Variants in MAST4 observed in about 807,000 individuals in gnomAD.
The protein encoded by MAST4 is microtubule-associated serine/threonine-protein kinase 4.
Under a neutral mutation model 162.7 loss-of-function variants are expected in MAST4, and 89 were observed. The ratio of observed to expected loss-of-function variants is 0.55; its 90% CI spans 0.46 to 0.65. The LOEUF is 0.65. Ranked by LOEUF, MAST4 falls within the 30% of genes least tolerant of loss-of-function variation. The pLI is 0.00. For synonymous variants in MAST4, 1,479 were observed against 1,361.1 expected, an observed-to-expected ratio of 1.09 and a Z score of -1.91; for missense variants, 3,153 against 3,374.0, an observed-to-expected ratio of 0.93 and a Z score of 1.62.
At chr5:66,858,482 A>G (rs1379267685) in intron 3 of MAST4, among the ~76,000 whole-genome samples, 1 of 152,142 alleles carries the variant, frequency 6.6e-6, no homozygotes, top group Non-Finnish European at 1.5e-5. Context: ...AGTTTATACT[A>G]CATTCACATT....
intron 1 of MAST4, among the ~76,000 whole-genome samples, chr5:66,638,244 G>A (rs1486554898): frequency 1.3e-5 from 2 of 152,154 alleles, no homozygotes; most frequent in African/African-American, 4.8e-5. Flanking sequence ...TCCCAGCCAG[G>A]AATGGTGGGA....
intron 1 of MAST4, among the ~76,000 whole-genome samples, chr5:66,723,955 C>A (rs1259906960): frequency 2.0e-5 from 3 of 152,082 alleles, no homozygotes; most frequent in African/African-American, 7.2e-5. Flanking sequence ...CCTCACTATA[C>A]CCCCACCCCT....
chr5:66,722,339 G>A (rs1440596977), intron 1 of MAST4, among the ~76,000 whole-genome samples: 1 of 151,964 alleles, frequency 6.6e-6, no homozygotes, highest in Non-Finnish European at 1.5e-5. Context: ...CTATGTAGGG[G>A]CTAATTCCCT....
At chr5:67,116,132 A>C (rs977410017) in intron 12 of MAST4, among the ~76,000 whole-genome samples, 2 of 152,158 alleles carry the variant, frequency 1.3e-5, no homozygotes, top group African/African-American at 4.8e-5. Context: ...GAGTTTAATC[A>C]CTGGGAGTTG....
At chr5:66,700,340 CTT>C (rs915724208) in intron 1 of MAST4, among the ~76,000 whole-genome samples, 1 of 151,546 alleles carries the variant, frequency 6.6e-6, no homozygotes, top group African/African-American at 2.4e-5. Context: ...TGTTCTCGCT[CTT>C]TTTTTTTGTA....
chr5:67,150,955 C>A (rs1771724858), intron 24 of MAST4, among the ~76,000 whole-genome samples: 1 of 152,172 alleles, frequency 6.6e-6, no homozygotes, highest in Non-Finnish European at 1.5e-5. Flanking sequence ...AGTATGGATA[C>A]TTTCAGCTTA....
At chr5:66,644,643 C>T (rs1266414254) in intron 1 of MAST4, among the ~76,000 whole-genome samples, 3 of 152,162 alleles carry the variant, frequency 2.0e-5, no homozygotes, top group Non-Finnish European at 4.4e-5. Flanking sequence ...GGAATCCAAA[C>T]TGACACTATA....
At chr5:66,620,393 A>G (rs1194696773) in intron 1 of MAST4, among the ~76,000 whole-genome samples, 2 of 152,204 alleles carry the variant, frequency 1.3e-5, no homozygotes, top group Non-Finnish European at 2.9e-5. Flanking sequence ...CAACAAAGTT[A>G]TGTAGTACTT....
intron 3 of MAST4, among the ~76,000 whole-genome samples, chr5:66,848,275 T>C (rs1479620753): frequency 6.6e-6 from 1 of 152,154 alleles, no homozygotes; most frequent in East Asian, 1.9e-4. Context: ...AATTAAAACA[T>C]GCTTTATATG....
chr5:66,608,148 C>T (rs1743020948), intron 1 of MAST4, among the ~76,000 whole-genome samples: 2 of 150,544 alleles, frequency 1.3e-5, no homozygotes, highest in Admixed American at 1.3e-4. Context: ...ACCTCTGCCT[C>T]CCTGGTTCAA....
chr5:66,708,939 A>G (rs762398691), intron 1 of MAST4, among the ~76,000 whole-genome samples: 11 of 152,224 alleles, frequency 7.2e-5, no homozygotes, highest in Admixed American at 2.0e-4. Context: ...TAAGAATTTT[A>G]TATTGAGAGA....
chr5:66,828,731 A>G lies in MAST4; in HGVS notation c.642+39937A>G, dbSNP rs531689553. ...AGCTGACTCCGGGCTCCAATCAGCT[A>G]GAGCGTGATGTAAGTGTTTAGCAGC... On this transcript the variant is annotated intron_variant, in intron 3 of 28. Transcript: ENST00000403625. The G allele has an allele frequency of 2.7e-6, 4 of 1,485,790 alleles. No individual in the cohort carries two copies. In the African/African-American group the frequency reaches 4.2e-5, roughly 16 times the overall value. The allele number at this position is 1,485,790 out of a possible 1,614,324, so 92.0% of individuals were successfully genotyped here.
intron 14 of MAST4, among the ~76,000 whole-genome samples, chr5:67,128,379 C>T (rs1312876157): frequency 6.6e-6 from 1 of 152,096 alleles, no homozygotes; most frequent in Admixed American, 6.6e-5. Flanking sequence ...AGCACTAGAT[C>T]ATTCGGTGCA....
intron 1 of MAST4, among the ~76,000 whole-genome samples, chr5:66,706,332 CA>C (rs1750123948): frequency 6.6e-6 from 1 of 152,038 alleles, no homozygotes; most frequent in South Asian, 2.1e-4. Context: ...GTAAGTGTCA[CA>C]AAATGAGTTG....
chr5:67,040,193 A>G (rs1354175806), intron 4 of MAST4, among the ~76,000 whole-genome samples: 1 of 152,154 alleles, frequency 6.6e-6, no homozygotes, highest in Non-Finnish European at 1.5e-5. Context: ...TCTAGAAATA[A>G]GAAACCAGAA....
At chr5:67,155,009 A>G (rs555499354) in intron 26 of MAST4, among the ~76,000 whole-genome samples, 1 of 152,204 alleles carries the variant, frequency 6.6e-6, no homozygotes, top group African/African-American at 2.4e-5. Flanking sequence ...TTATACTTGC[A>G]AAGGACTTTA....
At chr5:67,112,615 A>G (rs895752406) in intron 11 of MAST4, among the ~76,000 whole-genome samples, 2 of 152,184 alleles carry the variant, frequency 1.3e-5, no homozygotes, top group African/African-American at 4.8e-5. Flanking sequence ...TTATTATGAA[A>G]TACACTAAAA....
At chr5:66,814,674 G>GT (rs1329244004) in intron 3 of MAST4, among the ~76,000 whole-genome samples, 1 of 152,176 alleles carries the variant, frequency 6.6e-6, no homozygotes, top group African/African-American at 2.4e-5. Flanking sequence ...TTAAAAAGAT[G>GT]TATCTGTCAA....
intron 23 of MAST4, 142 bp from the exon 24 acceptor site, chr5:67,149,247 C>A: frequency 4.4e-6 from 3 of 681,060 alleles, no homozygotes; most frequent in Non-Finnish European, 7.6e-6. Context: ...TGTTAATGTT[C>A]GCCTGACACC....
Sources: gnomAD v4.1 joint callset for allele counts (sites outside exome capture counted in the v4.1 genomes callset) on GRCh38, gnomAD v4.1.1 for gene constraint, MANE v1.5 for transcripts, NCBI Gene and HGNC (gene_info 2026-07-23, HGNC 2026-07-21) for gene names.